Variants in ELAPOR2 observed in about 807,000 individuals in gnomAD.
The protein encoded by ELAPOR2 is endosome-lysosome associated apoptosis and autophagy regulator family member 2.
Under a neutral mutation model 120.7 loss-of-function variants are expected in ELAPOR2, and 89 were observed. The ratio of observed to expected loss-of-function variants is 0.74; its 90% CI spans 0.62 to 0.88. ELAPOR2 has a LOEUF of 0.88. ELAPOR2 is among the 40% of genes least tolerant of loss of function. The pLI is 0.00. For synonymous variants in ELAPOR2, 444 were observed against 444.9 expected (o/e 1.00, Z 0.03); for missense variants, 1,134 against 1,251.6 (o/e 0.91, Z 1.42).
intron 21 of ELAPOR2, among the ~76,000 whole-genome samples, chr7:86,883,554 T>C (rs1799526764): frequency 6.6e-6 from 1 of 152,222 alleles, no homozygotes; most frequent in African/African-American, 2.4e-5. Flanking sequence ...AGAATACTAC[T>C]CTGGAATACA....
In ELAPOR2 at chr7:86,893,153, C is replaced by T. The variant is rs369885053; in HGVS notation, c.2686-53G>A. 145 of 1,387,368 alleles carry T rather than the reference C, an allele frequency of 1.0e-4. No individual in the cohort carries two copies. In the African/African-American group the frequency reaches 2.1e-3, roughly 20 times the overall value. 85.9% of individuals were successfully genotyped at this position (1,387,368 alleles called of 1,614,324 possible). ...GAAGACATGAGAAATGAAATTCAGACTCAACTGTGAAAGCTAGATTTGTCA... is the reference window on the plus strand; with the variant it reads ...GAAGACATGAGAAATGAAATTCAGATTCAACTGTGAAAGCTAGATTTGTCA... On this transcript the variant is annotated intron_variant, in intron 19 of 21. Transcript: ENST00000450689.
At chr7:87,010,322 A>G (rs1209251082) in intron 1 of ELAPOR2, among the ~76,000 whole-genome samples, 2 of 152,212 alleles carry the variant, frequency 1.3e-5, no homozygotes, top group Non-Finnish European at 2.9e-5. Context: ...GAGTCAAATA[A>G]ATCTCCAACG....
chr7:86,948,350 A>T (rs1791091828), intron 2 of ELAPOR2, among the ~76,000 whole-genome samples: 1 of 152,158 alleles, frequency 6.6e-6, no homozygotes, highest in African/African-American at 2.4e-5. Flanking sequence ...TTGTTATAAT[A>T]CCTCCATTAA....
chr7:86,911,113 A>G (rs1018424873), intron 15 of ELAPOR2, among the ~76,000 whole-genome samples: 3 of 152,160 alleles, frequency 2.0e-5, no homozygotes, highest in Admixed American at 6.6e-5. Context: ...AGGTAGTGCT[A>G]ATGTACAATA....
chr7:86,989,691 G>A (rs1002666031), intron 1 of ELAPOR2, among the ~76,000 whole-genome samples: 17 of 152,134 alleles, frequency 1.1e-4, no homozygotes, highest in African/African-American at 3.9e-4. Flanking sequence ...TTCGCCTCAA[G>A]TTTCAAGTGG....
intron 2 of ELAPOR2, among the ~76,000 whole-genome samples, chr7:86,963,019 T>TTCCAGAG (rs1162180962): frequency 6.6e-6 from 1 of 152,150 alleles, no homozygotes; most frequent in Non-Finnish European, 1.5e-5. Flanking sequence ...GATCGACAAA[T>TTCCAGAG]TCCAGAGCAA....
chr7:87,016,928 A>C (rs1793887525), intron 1 of ELAPOR2, among the ~76,000 whole-genome samples: 2 of 152,148 alleles, frequency 1.3e-5, no homozygotes, highest in Non-Finnish European at 2.9e-5. Context: ...AAAAGTAACC[A>C]AAACCCAACT....
chr7:87,039,989 T>G (rs1348868083), intron 1 of ELAPOR2, among the ~76,000 whole-genome samples: 2 of 152,020 alleles, frequency 1.3e-5, no homozygotes, highest in East Asian at 1.9e-4. Context: ...TTCCCTTTCC[T>G]AGTCAAAGAA....
At chr7:86,957,968 C>A (rs1791543600) in intron 2 of ELAPOR2, among the ~76,000 whole-genome samples, 1 of 152,090 alleles carries the variant, frequency 6.6e-6, no homozygotes, top group Non-Finnish European at 1.5e-5. Flanking sequence ...CATATCTGAG[C>A]CTTTAGATGC....
chr7:87,014,608 A>G (rs1793809482), intron 1 of ELAPOR2, among the ~76,000 whole-genome samples: 1 of 152,206 alleles, frequency 6.6e-6, no homozygotes, highest in Non-Finnish European at 1.5e-5. Flanking sequence ...CGCTTAAAGA[A>G]ATAACTAAAA....
intron 21 of ELAPOR2, among the ~76,000 whole-genome samples, chr7:86,884,831 G>C (rs1799610670): frequency 6.6e-6 from 1 of 152,136 alleles, no homozygotes; most frequent in Non-Finnish European, 1.5e-5. Context: ...TGACAAGCAG[G>C]TGGGCCATTT....
chr7:86,880,206 T>G lies in ELAPOR2; in HGVS notation c.*265A>C. The G allele has an allele frequency of 2.2e-6, 1 of 445,354 alleles. No individual in the cohort carries two copies. Among genetic ancestry groups the G allele is most frequent in the Non-Finnish European group, 4.0e-6 (1 of 250,840 alleles). The allele number at this position is 445,354 out of a possible 1,614,324, so 27.6% of individuals were successfully genotyped here. ...GGTGGGCTTAAACTTGGTTTTCAGT[T>G]ATGTGTATATACAGATAAATCTCTT... On this transcript the variant is annotated 3_prime_UTR_variant, in exon 22 of 22. Coordinates refer to ENST00000450689, the MANE Select transcript of ELAPOR2 (RefSeq NM_001142749.3).
intron 21 of ELAPOR2, among the ~76,000 whole-genome samples, chr7:86,890,192 T>G (rs1435267892): frequency 1.3e-5 from 2 of 152,006 alleles, no homozygotes; most frequent in Non-Finnish European, 2.9e-5. Flanking sequence ...CTTTCATTTC[T>G]GTACATCTTA....
At chr7:86,996,784 C>A (rs1235861312) in intron 1 of ELAPOR2, among the ~76,000 whole-genome samples, 1 of 152,036 alleles carries the variant, frequency 6.6e-6, no homozygotes, top group Non-Finnish European at 1.5e-5. Context: ...CTTAGGAAAC[C>A]CCTTACGCCA....
intron 2 of ELAPOR2, among the ~76,000 whole-genome samples, chr7:86,950,513 C>A (rs545059813): frequency 6.6e-6 from 1 of 152,240 alleles, no homozygotes; most frequent in Admixed American, 6.5e-5. Flanking sequence ...CTGGGTGCCA[C>A]CATATTCCCC....
At chr7:87,014,209 A>G (rs901145769) in intron 1 of ELAPOR2, among the ~76,000 whole-genome samples, 2 of 152,074 alleles carry the variant, frequency 1.3e-5, no homozygotes, top group African/African-American at 2.4e-5. Context: ...AACAACATAG[A>G]TTAAATAAGA....
At chr7:87,019,877 C>T (rs1793983877) in intron 1 of ELAPOR2, among the ~76,000 whole-genome samples, 2 of 152,072 alleles carry the variant, frequency 1.3e-5, no homozygotes. Context: ...AAACTTTTAT[C>T]ACTTGATATT....
At chr7:86,946,894 C>A (rs1299028219) in intron 3 of ELAPOR2, among the ~76,000 whole-genome samples, 1 of 152,172 alleles carries the variant, frequency 6.6e-6, no homozygotes, top group Non-Finnish European at 1.5e-5. Flanking sequence ...AAAACACACA[C>A]TCTCTCAAGG....
intron 1 of ELAPOR2, among the ~76,000 whole-genome samples, chr7:86,999,774 T>C (rs947392709): frequency 9.2e-5 from 14 of 152,178 alleles, no homozygotes; most frequent in African/African-American, 3.4e-4. Context: ...CAGATTCTAT[T>C]CCTCCATGTG....
Sources: allele counts gnomAD v4.1 joint callset (sites outside exome capture counted in the v4.1 genomes callset), GRCh38; gene constraint gnomAD v4.1.1; transcripts MANE v1.5; gene names NCBI Gene and HGNC (gene_info 2026-07-23, HGNC 2026-07-21).